Variants in NCAM1 observed in about 807,000 individuals in gnomAD.
The protein encoded by NCAM1 is neural cell adhesion molecule 1.
Under a neutral mutation model 109.8 loss-of-function variants are expected in NCAM1, and 14 were observed. The ratio of observed to expected loss-of-function variants is 0.13; its 90% CI spans 0.08 to 0.20. The LOEUF (loss-of-function observed/expected upper bound fraction) is 0.20. NCAM1 is among the 10% of genes least tolerant of loss of function. The probability of loss-of-function intolerance (pLI) is 1.00; values close to 1 mark genes in which losing one functional copy is unlikely to be tolerated. For missense variants in NCAM1, 774 were observed against 1,109.9 expected (o/e 0.70, Z 4.30); for synonymous variants, 418 against 442.9 (o/e 0.94, Z 0.70).
intron 1 of NCAM1, among the ~76,000 whole-genome samples, chr11:113,194,279 TAGAC>T (rs1943785936): frequency 6.6e-6 from 1 of 152,222 alleles, no homozygotes; most frequent in South Asian, 2.1e-4. Context: ...ACTGTAATAT[TAGAC>T]AATCAATTAT....
chr11:113,115,087 AC>A (rs1331261863), intron 1 of NCAM1, among the ~76,000 whole-genome samples: 3 of 151,888 alleles, frequency 2.0e-5, no homozygotes, highest in South Asian at 2.1e-4. Context: ...GACAGTCAGC[AC>A]CCCCCAGCTG....
At chr11:113,033,556 C>A (rs1477372508) in intron 1 of NCAM1, among the ~76,000 whole-genome samples, 5 of 152,092 alleles carry the variant, frequency 3.3e-5, no homozygotes, top group Non-Finnish European at 1.5e-5. Flanking sequence ...CTCTACTATG[C>A]AAAGAGAATA....
intron 3 of NCAM1, 102 bp from the exon 4 acceptor site, chr11:113,205,421 G>A: frequency 2.1e-6 from 3 of 1,433,304 alleles, no homozygotes; most frequent in African/African-American, 2.9e-5. Flanking sequence ...CATCAGGATC[G>A]AGACTTGCCC....
intron 1 of NCAM1, among the ~76,000 whole-genome samples, chr11:113,186,117 A>G (rs1591396939): frequency 6.6e-6 from 1 of 152,180 alleles, no homozygotes; most frequent in East Asian, 1.9e-4. Context: ...AGTCCTTACA[A>G]AGTTCAGTCA....
At chr11:113,022,771 CG>C (rs1456859579) in intron 1 of NCAM1, among the ~76,000 whole-genome samples, 3 of 152,128 alleles carry the variant, frequency 2.0e-5, no homozygotes, top group Admixed American at 2.0e-4. Context: ...ACCATGTGAT[CG>C]GGGAACCAGG....
intron 1 of NCAM1, among the ~76,000 whole-genome samples, chr11:113,011,402 G>A (rs1952050615): frequency 6.6e-6 from 1 of 151,988 alleles, no homozygotes. Flanking sequence ...TCACTATTGT[G>A]AATAATGCCG....
At chr11:113,221,675 G>A (rs1944697408) in intron 9 of NCAM1, 1 of 222,294 alleles carries the variant, frequency 4.5e-6, no homozygotes, top group African/African-American at 2.3e-5. Flanking sequence ...GGTTGATGTG[G>A]CTCTGGACCA....
intron 1 of NCAM1, among the ~76,000 whole-genome samples, chr11:113,052,453 C>T (rs1021146540): frequency 9.9e-5 from 15 of 152,090 alleles, no homozygotes; most frequent in Admixed American, 6.5e-4. Context: ...TCCCCACCCC[C>T]GCACCTCCAC....
chr11:113,022,535 A>C (rs1449410801), intron 1 of NCAM1, among the ~76,000 whole-genome samples: 1 of 152,202 alleles, frequency 6.6e-6, no homozygotes, highest in Non-Finnish European at 1.5e-5. Context: ...TTCAGAACTG[A>C]GTACAGATGG....
Position 113,048,992 on chromosome 11 carries a change from C to A in NCAM1, c.52+87328C>A, listed in dbSNP as rs186012377. 1.2e-4 allele frequency among the ~76,000 whole-genome samples: 19 copies of A among 152,178 alleles called. No homozygotes were observed. The South Asian group carries it at 2.5e-3, about 20-fold the overall frequency. ...CTAAGGGTGCAGTGATGAACCAGAC[C>A]CCTACAGTTCCTGCCCTGGGATTAG... On this transcript the variant is annotated intron_variant, in intron 1 of 19. Transcript: ENST00000316851.
chr11:112,989,357 G>A (rs182346058), intron 1 of NCAM1, among the ~76,000 whole-genome samples: 2 of 152,038 alleles, frequency 1.3e-5, no homozygotes, highest in East Asian at 3.9e-4. Context: ...CTATATTTGA[G>A]TTTGCACATT....
At chr11:113,150,728 A>C (rs1942195951) in intron 1 of NCAM1, among the ~76,000 whole-genome samples, 1 of 152,156 alleles carries the variant, frequency 6.6e-6, no homozygotes, top group Admixed American at 6.5e-5. Context: ...AAAGAAAGAG[A>C]GAATGAGAGA....
At chr11:113,121,150 G>A (rs1192765797) in intron 1 of NCAM1, among the ~76,000 whole-genome samples, 5 of 151,938 alleles carry the variant, frequency 3.3e-5, no homozygotes, top group Non-Finnish European at 7.4e-5. Context: ...AGGATTAGGG[G>A]GGTGGCCTCC....
chr11:113,170,950 A>G (rs1555106108), intron 1 of NCAM1, among the ~76,000 whole-genome samples: 1 of 152,232 alleles, frequency 6.6e-6, no homozygotes, highest in Non-Finnish European at 1.5e-5. Flanking sequence ...AGAAATCTTC[A>G]GTAGTATAAT....
rs557516038 is a variant in NCAM1 at position 113,058,997 on chromosome 11, T to A, written c.52+97333T>A. Among the ~76,000 whole-genome samples, 10 of 152,338 alleles carry A rather than the reference T, an allele frequency of 6.6e-5. 1 individual carries two copies. The South Asian group carries it at 2.1e-3, about 32-fold the overall frequency. On this transcript the variant is annotated intron_variant, in intron 1 of 19. Transcript: ENST00000316851. Reference sequence around the variant, plus strand: ...AAGCCTTGGTTCTCCATGTATTTCATTAATACATTTGTGCTCTGGACAAAC... The same window carrying A: ...AAGCCTTGGTTCTCCATGTATTTCAATAATACATTTGTGCTCTGGACAAAC...
chr11:113,229,653 G>T (rs901476022), intron 9 of NCAM1, among the ~76,000 whole-genome samples: 1 of 152,140 alleles, frequency 6.6e-6, no homozygotes. Flanking sequence ...TTACAGCAGT[G>T]CTCACAATAG....
rs539453810 is a variant in NCAM1 at position 113,234,595 on chromosome 11, G to T, written c.1694-438G>T. Among the ~76,000 whole-genome samples, 3 of 152,268 alleles carry T rather than the reference G, an allele frequency of 2.0e-5. No homozygotes were observed. In the East Asian group the frequency reaches 5.8e-4, roughly 29 times the overall value. On this transcript the variant is annotated intron_variant, in intron 13 of 19. Transcript: ENST00000316851. The stretch of plus-strand genomic sequence containing the variant: ...ATTTCACTTAGCATAATATCTTCAA[G>T]GTTCATCCATGTTGTAGCATGTGTC...
intron 1 of NCAM1, among the ~76,000 whole-genome samples, chr11:113,200,198 T>TCC (rs1811797800): frequency 1.3e-5 from 2 of 152,288 alleles, no homozygotes; most frequent in South Asian, 4.2e-4. Context: ...TAAGGAATGC[T>TCC]CCAGTGAACT....
chr11:113,131,552 G>A (rs782315758), intron 1 of NCAM1, among the ~76,000 whole-genome samples: 2 of 152,246 alleles, frequency 1.3e-5, no homozygotes, highest in Non-Finnish European at 2.9e-5. Context: ...CAAGGGGTAT[G>A]TAAGTGAAGT....
Sources: allele counts gnomAD v4.1 joint callset (sites outside exome capture counted in the v4.1 genomes callset), GRCh38; gene constraint gnomAD v4.1.1; transcripts MANE v1.5; gene names NCBI Gene and HGNC (gene_info 2026-07-23, HGNC 2026-07-21).